LRMDA: variants seen among roughly 807,000 people sequenced by gnomAD.
LRMDA encodes the protein leucine rich melanocyte differentiation associated, also known as leucine-rich melanocyte differentiation-associated protein.
LRMDA carries 18 observed loss-of-function variants against 29.8 expected under a neutral mutation model. That is an observed-to-expected ratio of 0.60 (90% CI 0.42 to 0.90). LRMDA has a LOEUF of 0.90. LRMDA is among the 40% of genes least tolerant of loss of function. LRMDA has a pLI of 0.00. For missense variants in LRMDA, 273 were observed against 273.9 expected (o/e 1.00, Z 0.02); for synonymous variants, 125 against 109.4 (o/e 1.14, Z -0.89).
intron 3 of LRMDA, among the ~76,000 whole-genome samples, chr10:76,044,377 G>A (rs1272253332): frequency 1.3e-5 from 2 of 152,002 alleles, no homozygotes; most frequent in African/African-American, 4.8e-5. Context: ...TGAAAGCACA[G>A]GGCACCTGAG....
intron 2 of LRMDA, among the ~76,000 whole-genome samples, chr10:76,035,494 C>T (rs1470762688): frequency 6.6e-6 from 1 of 151,970 alleles, no homozygotes; most frequent in Non-Finnish European, 1.5e-5. Flanking sequence ...CCTTCCCTGT[C>T]GTTTCCCCCG....
chr10:75,528,913 A>C (rs1845444685), intron 2 of LRMDA, among the ~76,000 whole-genome samples: 1 of 152,192 alleles, frequency 6.6e-6, no homozygotes, highest in Non-Finnish European at 1.5e-5. Flanking sequence ...CAGAATAAGA[A>C]AAAAGCCCTT....
chr10:75,638,367 A>G (rs1841413225), intron 2 of LRMDA, among the ~76,000 whole-genome samples: 1 of 152,204 alleles, frequency 6.6e-6, no homozygotes. Flanking sequence ...CAATAGGCAA[A>G]AGGTTGAGAA....
intron 6 of LRMDA, among the ~76,000 whole-genome samples, chr10:76,377,118 C>T (rs894309055): frequency 6.6e-6 from 1 of 152,078 alleles, no homozygotes; most frequent in Admixed American, 6.5e-5. Context: ...ATCTCCTGAC[C>T]TCATGATCTG....
intron 2 of LRMDA, among the ~76,000 whole-genome samples, chr10:75,919,479 G>A (rs1418900618): frequency 6.6e-6 from 1 of 152,196 alleles, no homozygotes; most frequent in Non-Finnish European, 1.5e-5. Context: ...TCGTTGAGCT[G>A]TGTGTGGCCA....
At chr10:75,464,816 C>G (rs1189349445) in intron 2 of LRMDA, among the ~76,000 whole-genome samples, 1 of 152,184 alleles carries the variant, frequency 6.6e-6, no homozygotes, top group African/African-American at 2.4e-5. Flanking sequence ...TATGTGCAGC[C>G]TCAAGGACAG....
intron 1 of LRMDA, among the ~76,000 whole-genome samples, chr10:75,435,544 A>G (rs1844254434): frequency 1.3e-5 from 2 of 152,226 alleles, no homozygotes; most frequent in South Asian, 4.1e-4. Flanking sequence ...CAGATTACTT[A>G]TCGAGTTGGT....
At chr10:75,874,078 C>T (rs1404265840) in intron 2 of LRMDA, among the ~76,000 whole-genome samples, 2 of 152,204 alleles carry the variant, frequency 1.3e-5, no homozygotes, top group Non-Finnish European at 1.5e-5. Context: ...ATCCCACCCT[C>T]ACCCCCAGCA....
chr10:75,451,498 T>C (rs1000453729), intron 2 of LRMDA: 4 of 152,156 alleles, frequency 2.6e-5, no homozygotes, highest in African/African-American at 9.7e-5. Flanking sequence ...TTGTAGTCAA[T>C]TACGACAAAT....
intron 5 of LRMDA, among the ~76,000 whole-genome samples, chr10:76,124,046 C>T (rs955014645): frequency 9.2e-5 from 14 of 152,150 alleles, no homozygotes; most frequent in African/African-American, 3.1e-4. Flanking sequence ...TTTCTTCTAC[C>T]TTGTCTCATT....
chr10:76,369,200 T>C (rs2132455682), intron 6 of LRMDA, among the ~76,000 whole-genome samples: 1 of 152,330 alleles, frequency 6.6e-6, no homozygotes, highest in Admixed American at 6.5e-5. Flanking sequence ...GTATTTTTGT[T>C]TTATAGGTCC....
chr10:75,984,164 C>G (rs1847222518), intron 2 of LRMDA, among the ~76,000 whole-genome samples: 1 of 151,120 alleles, frequency 6.6e-6, no homozygotes, highest in African/African-American at 2.5e-5. Flanking sequence ...TGGGTTCTTG[C>G]TGAGCTAATC....
chr10:76,157,685 A>G (rs1850563557), intron 5 of LRMDA, among the ~76,000 whole-genome samples: 1 of 152,074 alleles, frequency 6.6e-6, no homozygotes, highest in Non-Finnish European at 1.5e-5. Flanking sequence ...TGAGCCTCCA[A>G]TGACTCATTT....
At chr10:75,526,004 A>G (rs1845409319) in intron 2 of LRMDA, among the ~76,000 whole-genome samples, 1 of 151,662 alleles carries the variant, frequency 6.6e-6, no homozygotes, top group East Asian at 1.9e-4. Flanking sequence ...TATGTTTTCT[A>G]TCACCCCTGG....
At chr10:76,438,305 C>T (rs932244348) in intron 6 of LRMDA, among the ~76,000 whole-genome samples, 6 of 152,110 alleles carry the variant, frequency 3.9e-5, no homozygotes, top group South Asian at 4.2e-4. Flanking sequence ...CCAAAGAATC[C>T]GTTATTTGTT....
chr10:75,551,693 A>G (rs146175496), intron 2 of LRMDA, among the ~76,000 whole-genome samples: 2,576 of 152,190 alleles, frequency 0.017, 43 homozygotes, highest in South Asian at 0.026. Context: ...ATAGTATTCC[A>G]TGGTGTATAC....
intron 2 of LRMDA, among the ~76,000 whole-genome samples, chr10:75,473,312 G>A (rs111388321): frequency 1.3e-5 from 2 of 152,362 alleles, no homozygotes; most frequent in African/African-American, 4.8e-5. Flanking sequence ...AGCTCCAGAG[G>A]TGGTAAGGGC....
chr10:76,160,559 A>G, intron 5 of LRMDA, among the ~76,000 whole-genome samples: 2 of 152,138 alleles, frequency 1.3e-5, no homozygotes, highest in East Asian at 3.9e-4. Context: ...GATATAGTTG[A>G]AACTAGATTA....
intron 2 of LRMDA, among the ~76,000 whole-genome samples, chr10:75,676,324 C>A (rs1487738531): frequency 6.6e-6 from 1 of 152,152 alleles, no homozygotes. Flanking sequence ...GGAAGCTGAA[C>A]GAGATGTTGC....
Sources: gnomAD v4.1 joint callset for allele counts (sites outside exome capture counted in the v4.1 genomes callset) on GRCh38, gnomAD v4.1.1 for gene constraint, MANE v1.5 for transcripts, NCBI Gene and HGNC (gene_info 2026-07-23, HGNC 2026-07-21) for gene names.